CCDC30: variants seen among roughly 807,000 people sequenced by gnomAD.
CCDC30 encodes coiled-coil domain-containing protein 30.
In CCDC30, 70 loss-of-function variants were observed where a neutral mutation model predicts 100.2. The observed-to-expected ratio is 0.70, with a 90% CI of 0.58 to 0.85. The LOEUF (loss-of-function observed/expected upper bound fraction) is 0.85, where lower values mean the gene tolerates loss of function less well. CCDC30 is among the 40% of genes least tolerant of loss of function. The pLI, the probability that CCDC30 is intolerant of heterozygous loss-of-function variation, is 0.00. For missense variants in CCDC30, 652 were observed against 771.2 expected (o/e 0.85, Z 1.83); for synonymous variants, 233 against 269.5 (o/e 0.86, Z 1.33).
At chr1:42,576,595 T>C (rs1212986967) in intron 7 of CCDC30, among the ~76,000 whole-genome samples, 1 of 152,160 alleles carries the variant, frequency 6.6e-6, no homozygotes, top group Non-Finnish European at 1.5e-5. Context: ...TAGAAGAGTC[T>C]ACAAAGAAGA....
chr1:42,570,137 ATAAAT>A (rs1645701505), intron 7 of CCDC30, among the ~76,000 whole-genome samples: 1 of 152,154 alleles, frequency 6.6e-6, no homozygotes. Flanking sequence ...TAAAACTAAA[ATAAAT>A]TAATTATTTA....
intron 1 of CCDC30, among the ~76,000 whole-genome samples, chr1:42,478,969 T>A (rs1282349392): frequency 6.6e-6 from 1 of 152,102 alleles, no homozygotes; most frequent in Admixed American, 6.5e-5. Flanking sequence ...GATTCTAAAG[T>A]TGATGTGGAC....
chr1:42,584,668 A>G (rs1389976516), intron 9 of CCDC30, among the ~76,000 whole-genome samples: 2 of 152,250 alleles, frequency 1.3e-5, no homozygotes, highest in African/African-American at 4.8e-5. Flanking sequence ...TATTGTTGTC[A>G]TTATCATCAT....
At chr1:42,462,462 A>C (rs1643437898), upstream of CCDC30, among the ~76,000 whole-genome samples, 1 of 152,208 alleles carries the variant, frequency 6.6e-6, no homozygotes, top group South Asian at 2.1e-4. Flanking sequence ...AGGTTGAGGC[A>C]CTTTATTATA....
chr1:42,651,182 A>T (rs1648315592), intron 15 of CCDC30, among the ~76,000 whole-genome samples: 1 of 152,174 alleles, frequency 6.6e-6, no homozygotes, highest in Non-Finnish European at 1.5e-5. Context: ...CAATTTTTCC[A>T]ATGTGACACG....
intron 11 of CCDC30, among the ~76,000 whole-genome samples, chr1:42,624,955 G>T (rs1330925288): frequency 6.6e-6 from 1 of 152,172 alleles, no homozygotes; most frequent in Non-Finnish European, 1.5e-5. Flanking sequence ...GTTTGAGTAG[G>T]ATTGGTATTA....
intron 6 of CCDC30, among the ~76,000 whole-genome samples, chr1:42,506,609 A>C (rs761103818): frequency 6.6e-6 from 1 of 152,230 alleles, no homozygotes; most frequent in Non-Finnish European, 1.5e-5. Flanking sequence ...AGAAGATTGG[A>C]CATCATTTTA....
At chr1:42,492,440 C>G (rs1644158061) in intron 4 of CCDC30, 1 of 174,410 alleles carries the variant, frequency 5.7e-6, no homozygotes, top group African/African-American at 2.4e-5. Context: ...GGGGATGAGA[C>G]AGGTGCTAAA....
At chr1:42,648,619 G>A (rs61775599) in intron 15 of CCDC30, among the ~76,000 whole-genome samples, 41,857 of 151,964 alleles carry the variant, frequency 0.28, 6,267 homozygotes, top group Middle Eastern at 0.35. Flanking sequence ...GCAGTGAGCC[G>A]AGATCACGCC....
chr1:42,646,382 T>C lies in CCDC30; in HGVS notation c.1854+65T>C, dbSNP rs1248311856. 8.3e-6 allele frequency: 11 copies of C among 1,331,176 alleles called. No homozygotes were observed. In the South Asian group the frequency reaches 2.4e-4, roughly 29 times the overall value. 82.5% of individuals were successfully genotyped at this position (1,331,176 alleles called of 1,614,324 possible). ...CACATTCTGCCAGGCACCCACTGTT[T>C]GGAAAATCTCTCAACTTATGGTTTC... On this transcript the variant is annotated intron_variant, in intron 15 of 16. Coordinates refer to ENST00000668663, the Ensembl canonical transcript of CCDC30.
intron 1 of CCDC30, among the ~76,000 whole-genome samples, chr1:42,475,144 A>G (rs1395284004): frequency 3.3e-5 from 5 of 152,186 alleles, no homozygotes; most frequent in Non-Finnish European, 7.4e-5. Flanking sequence ...ACATGTCATC[A>G]TACCTATGGG....
At chr1:42,525,857 C>G (rs1231304479) in intron 6 of CCDC30, among the ~76,000 whole-genome samples, 1 of 152,090 alleles carries the variant, frequency 6.6e-6, no homozygotes, top group Non-Finnish European at 1.5e-5. Flanking sequence ...TCTAGCTGGT[C>G]AGAACTCAAA....
At chr1:42,512,244 G>A (rs559337853) in intron 6 of CCDC30, among the ~76,000 whole-genome samples, 1 of 152,324 alleles carries the variant, frequency 6.6e-6, no homozygotes, top group East Asian at 1.9e-4. Context: ...CAGTGTGGGC[G>A]TCAAGGGCAT....
rs879252521 is a variant in CCDC30 at position 42,654,161 on chromosome 1, TA to T, written c.*136del. The T allele has an allele frequency of 2.4e-4, 158 of 650,332 alleles. 3 individuals are homozygous for T. Among genetic ancestry groups the T allele is most frequent in the South Asian group, 8.3e-4 (42 of 50,388 alleles). 40.3% of individuals were successfully genotyped at this position (650,332 alleles called of 1,614,324 possible). The stretch of plus-strand genomic sequence containing the variant: ...ACCCAAGAGTCTTCAAAACTGCTGA[TA>T]AATTCATTAAAGCAGTTGTAAAAAT... On this transcript the variant is annotated 3_prime_UTR_variant, in exon 17 of 17. Coordinates refer to ENST00000668663, the Ensembl canonical transcript of CCDC30.
intron 10 of CCDC30, among the ~76,000 whole-genome samples, chr1:42,599,977 G>C (rs538402525): frequency 7.0e-4 from 106 of 152,272 alleles, no homozygotes; most frequent in African/African-American, 2.4e-3. Flanking sequence ...AGAAGGAAGA[G>C]AGAGTGAGGC....
intron 6 of CCDC30, among the ~76,000 whole-genome samples, chr1:42,525,381 T>C (rs895014697): frequency 3.3e-5 from 5 of 152,214 alleles, no homozygotes; most frequent in African/African-American, 1.2e-4. Flanking sequence ...TCAAGTTCAC[T>C]CATTTTTTTT....
intron 6 of CCDC30, among the ~76,000 whole-genome samples, chr1:42,516,301 G>A (rs926030881): frequency 6.6e-6 from 1 of 152,042 alleles, no homozygotes; most frequent in Non-Finnish European, 1.5e-5. Context: ...TCCTTTTCAT[G>A]TTGAAATTTG....
At chr1:42,587,115 A>C (rs1399666262) in intron 9 of CCDC30, among the ~76,000 whole-genome samples, 1 of 152,142 alleles carries the variant, frequency 6.6e-6, no homozygotes, top group Admixed American at 6.5e-5. Flanking sequence ...CGCCCACCTC[A>C]GCCTCCTGAG....
At position 42,484,130 on chromosome 1, in the gene CCDC30, T is replaced by TAA. The variant is rs113425533; in HGVS notation, c.169+1315_169+1316dup. Among the ~76,000 whole-genome samples, 57 of 146,540 alleles carry TAA rather than the reference T, an allele frequency of 3.9e-4. 1 individual carries two copies. Among genetic ancestry groups the TAA allele is most frequent in the African/African-American group, 1.4e-3 (54 of 38,868 alleles). ...TGCCTGTGTGATTAAAAACAAATAA[T>TAA]AATAAAAAAAAGAATATCAGGATGT... On this transcript the variant is annotated intron_variant, in intron 3 of 16. Transcript: ENST00000668663.
Sources: gnomAD v4.1 joint callset for allele counts (sites outside exome capture counted in the v4.1 genomes callset) on GRCh38, gnomAD v4.1.1 for gene constraint, MANE v1.5 for transcripts, NCBI Gene and HGNC (gene_info 2026-07-23, HGNC 2026-07-21) for gene names.